The following MAML2 variants were observed in gnomAD, a reference collection of about 807,000 sequenced individuals.
MAML2 encodes mastermind like transcriptional coactivator 2.
A neutral mutation model predicts 96.1 loss-of-function variants in MAML2; 22 were observed. That is an observed-to-expected ratio of 0.23 (90% CI 0.16 to 0.33). The LOEUF (loss-of-function observed/expected upper bound fraction) is 0.33. Among genes scored for constraint, MAML2 ranks in the 10% least tolerant of loss-of-function variants. MAML2 has a pLI of 1.00. For missense variants in MAML2, 1,367 were observed against 1,392.4 expected, an observed-to-expected ratio of 0.98 and a Z score of 0.29; for synonymous variants, 561 against 521.3, an observed-to-expected ratio of 1.08 and a Z score of -1.04.
chr11:96,011,846 T>C (rs1858272381), intron 2 of MAML2, among the ~76,000 whole-genome samples: 1 of 152,172 alleles, frequency 6.6e-6, no homozygotes, highest in South Asian at 2.1e-4. Context: ...CATGAGTTGG[T>C]GGTTTAAGAA....
intron 1 of MAML2, among the ~76,000 whole-genome samples, chr11:96,331,644 A>AG (rs138940883): frequency 6.6e-5 from 4 of 60,544 alleles, no homozygotes; most frequent in African/African-American, 2.1e-4. Context: ...CTAAAAATAC[A>AG]AAAAAAAAAG....
At chr11:96,170,417 C>T (rs1156903790) in intron 1 of MAML2, among the ~76,000 whole-genome samples, 1 of 152,224 alleles carries the variant, frequency 6.6e-6, no homozygotes, top group East Asian at 1.9e-4. Flanking sequence ...CAGCGAAAAG[C>T]ACAGAAAATT....
chr11:96,337,479 A>G (rs1412574768), intron 1 of MAML2, among the ~76,000 whole-genome samples: 1 of 152,238 alleles, frequency 6.6e-6, no homozygotes, highest in Non-Finnish European at 1.5e-5. Flanking sequence ...CAACTTTTCT[A>G]ATATGCCTTA....
At chr11:96,301,672 T>C (rs1442644259) in intron 1 of MAML2, among the ~76,000 whole-genome samples, 1 of 152,250 alleles carries the variant, frequency 6.6e-6, no homozygotes, top group African/African-American at 2.4e-5. Context: ...GGAACTGTTC[T>C]AAATTAATTT....
rs1201149369 is a variant in MAML2 at position 95,979,577 on chromosome 11, G to C, written c.2842C>G (p.Pro948Ala). Residue 948 changes from proline (P) to alanine (A), a missense_variant, in exon 5 of 5, where the codon CCA (proline) becomes GCA (alanine). Pro to Ala is a conservative substitution (Grantham distance 27). Coordinates refer to ENST00000524717, the MANE Select transcript of MAML2 (RefSeq NM_032427.4). Reference protein sequence around the residue: ...PNLTHSMASMPPQRTSNVMIT... With the variant: ...PNLTHSMASMAPQRTSNVMIT... ...ATTACGTTTGATGTTCTCTGTGGTGGCATGCTTGCCATACTATGGGTTAAA... is the reference window on the plus strand; with the variant it reads ...ATTACGTTTGATGTTCTCTGTGGTGCCATGCTTGCCATACTATGGGTTAAA... 1 of 1,613,822 alleles carries C rather than the reference G, an allele frequency of 6.2e-7. No individual in the cohort carries two copies. The highest frequency in any genetic ancestry group is 1.3e-5 in the African/African-American group (1 of 74,906).
Position 96,256,377 on chromosome 11 carries a change from C to T in MAML2, c.513+85006G>A, listed in dbSNP as rs114024045. Among the ~76,000 whole-genome samples the T allele has an allele frequency of 8.6e-3, 1,309 of 152,234 alleles. 27 individuals are homozygous for T. The highest frequency in any genetic ancestry group is 0.03 in the African/African-American group (1,242 of 41,504). ...CTACACTGCAGCACATCAGTGGCCA[C>T]GCTGATCTCGAAGTTCCTCAAACGA... On this transcript the variant is annotated intron_variant, in intron 1 of 4. Transcript: ENST00000524717.
At chr11:96,319,352 T>G (rs969891829) in intron 1 of MAML2, among the ~76,000 whole-genome samples, 1 of 152,240 alleles carries the variant, frequency 6.6e-6, no homozygotes, top group Non-Finnish European at 1.5e-5. Flanking sequence ...CGCAAAAGTC[T>G]GACCCTTAGA....
intron 2 of MAML2, among the ~76,000 whole-genome samples, chr11:95,992,929 G>A (rs1799422359): frequency 6.6e-6 from 1 of 151,706 alleles, no homozygotes; most frequent in African/African-American, 2.4e-5. Flanking sequence ...TACCCAGGCT[G>A]GAGTGCAGTG....
At chr11:96,259,711 G>C (rs1251662460) in intron 1 of MAML2, among the ~76,000 whole-genome samples, 1 of 152,156 alleles carries the variant, frequency 6.6e-6, no homozygotes, top group African/African-American at 2.4e-5. Context: ...GAGTCATCTC[G>C]ATGTGGACCA....
chr11:96,060,545 C>CTTCA (rs1859140991), intron 2 of MAML2, among the ~76,000 whole-genome samples: 1 of 151,968 alleles, frequency 6.6e-6, no homozygotes, highest in Non-Finnish European at 1.5e-5. Flanking sequence ...AACAGAAACA[C>CTTCA]TGAAGCATGC....
chr11:95,999,914 C>A lies in MAML2; in HGVS notation c.2140-8191G>T, dbSNP rs72969706. Among the ~76,000 whole-genome samples the A allele has an allele frequency of 4.9e-3, 750 of 152,232 alleles. 2 individuals carry two copies. The highest frequency in any genetic ancestry group is 8.2e-3 in the Non-Finnish European group (559 of 68,004). On this transcript the variant is annotated intron_variant, in intron 2 of 4. Transcript: ENST00000524717. ...CACTTCTCTCTTTCCCTCTTTTTGT[C>A]TTTCTTTCCCTGTCTCAATGAACTA... is the stretch of plus-strand genomic sequence containing the variant.
rs1859711821 is a variant in MAML2, at chr11:96,091,899, T to C, written c.2132A>G (p.Gln711Arg). The C allele has an allele frequency of 3.1e-6, 5 of 1,612,926 alleles. No individual in the cohort carries two copies. Among genetic ancestry groups the C allele is most frequent in the Non-Finnish European group, 3.4e-6 (4 of 1,179,404 alleles). Residue 711 changes from glutamine to arginine, a missense_variant, in exon 2 of 5, where the codon CAG becomes CGG. Gln to Arg is a conservative substitution (Grantham distance 43). Coordinates refer to ENST00000524717, the MANE Select transcript of MAML2 (RefSeq NM_032427.4). ...GAGTAGTAGAGCCCTTACCTGTCTC[T>C]GTTGTTGGGAGACTTGGTATCCCAT... ...AGMGYQVSQQ[Q>R]RQDQHSVVGQ...
intron 2 of MAML2, 61 bp from the exon 3 acceptor site, chr11:95,991,784 C>T: frequency 7.7e-7 from 1 of 1,293,338 alleles, no homozygotes; most frequent in South Asian, 1.2e-5. Flanking sequence ...AAATGTAGCA[C>T]AAAGATCATA....
At chr11:96,088,113 G>A (rs543542101) in intron 2 of MAML2, among the ~76,000 whole-genome samples, 1 of 152,142 alleles carries the variant, frequency 6.6e-6, no homozygotes, top group Admixed American at 6.5e-5. Context: ...TTACACCAAG[G>A]GTTGATATGG....
At chr11:96,223,297 G>A (rs1862166815) in intron 1 of MAML2, among the ~76,000 whole-genome samples, 1 of 152,096 alleles carries the variant, frequency 6.6e-6, no homozygotes. Flanking sequence ...ATATTCAGAT[G>A]TACACAATAA....
rs543373689 is a variant in MAML2, at chr11:96,121,780, A to ATT, written c.514-28265_514-28264dup. 4.1e-3 allele frequency among the ~76,000 whole-genome samples: 146 copies of ATT among 35,244 alleles called. 27 individuals are homozygous for ATT. Among genetic ancestry groups the ATT allele is most frequent in the East Asian group, 0.026 (24 of 910 alleles). The allele number at this position is 35,244 out of a possible 152,430, so 23.1% of individuals were successfully genotyped here. On this transcript the variant is annotated intron_variant, in intron 1 of 4. Coordinates refer to ENST00000524717, the MANE Select transcript of MAML2 (RefSeq NM_032427.4). ...TCCATTCCATATTCCCAACTGCGTGATTTTTTTTTTTTTTTTTTTTTTTTG... is the reference window on the plus strand; with the variant it reads ...TCCATTCCATATTCCCAACTGCGTGATTTTTTTTTTTTTTTTTTTTTTTTTTG...
chr11:95,998,426 T>G (rs1858032695), intron 2 of MAML2, among the ~76,000 whole-genome samples: 1 of 152,174 alleles, frequency 6.6e-6, no homozygotes, highest in Non-Finnish European at 1.5e-5. Flanking sequence ...CATTCACTTA[T>G]TTTCTAAAAA....
At chr11:96,102,485 T>G (rs933416328) in intron 1 of MAML2, among the ~76,000 whole-genome samples, 3 of 152,118 alleles carry the variant, frequency 2.0e-5, no homozygotes, top group African/African-American at 4.8e-5. Flanking sequence ...AGAAAAGGAA[T>G]CCCACTCCCT....
chr11:96,285,873 G>C (rs1863132008), intron 1 of MAML2, among the ~76,000 whole-genome samples: 1 of 152,200 alleles, frequency 6.6e-6, no homozygotes, highest in African/African-American at 2.4e-5. Context: ...TATGCTGTTG[G>C]TGAGAATGTA....
Sources: allele counts gnomAD v4.1 joint callset (sites outside exome capture counted in the v4.1 genomes callset), GRCh38; gene constraint gnomAD v4.1.1; transcripts MANE v1.5; gene names NCBI Gene and HGNC (gene_info 2026-07-23, HGNC 2026-07-21).